The following GLIS3 variants were observed in gnomAD, a reference collection of about 807,000 sequenced individuals.
GLIS3 encodes the protein GLIS family zinc finger 3.
Under a neutral mutation model 78.6 loss-of-function variants are expected in GLIS3, and 53 were observed. That is an observed-to-expected ratio of 0.67 (90% CI 0.54 to 0.85). GLIS3 has a LOEUF of 0.85. Ranked by LOEUF, GLIS3 falls within the 40% of genes least tolerant of loss-of-function variation. The pLI is 0.00. For synonymous variants in GLIS3, 684 were observed against 509.9 expected (o/e 1.34, Z -4.60); for missense variants, 1,703 against 1,231.1 (o/e 1.38, Z -5.74).
chr9:3,829,325 G>A lies in GLIS3; in HGVS notation c.2641C>T (p.His881Tyr). The change falls in exon 10 of 11, where the codon CAC (histidine) becomes TAC (tyrosine). Residue 881 changes from histidine to tyrosine, a missense_variant. His to Tyr is a moderately conservative substitution (Grantham distance 83). Transcript: ENST00000381971. ...ACCAACACACCTGTAATGCCCGAGT[G>A]AGTCGAGAAGGCTCTGTGGAAAACA... Reference protein sequence around the residue: ...FDVFHRAFSTHSGITVYDLPS... With the variant: ...FDVFHRAFSTYSGITVYDLPS... 2 of 1,613,988 alleles carry A rather than the reference G, an allele frequency of 1.2e-6. No individual in the cohort carries two copies. The highest frequency in any genetic ancestry group is 8.5e-7 in the Non-Finnish European group (1 of 1,179,898).
At chr9:4,026,167 C>G (rs913782438) in intron 4 of GLIS3, among the ~76,000 whole-genome samples, 1 of 152,194 alleles carries the variant, frequency 6.6e-6, no homozygotes, top group Non-Finnish European at 1.5e-5. Context: ...GGTATTCAAT[C>G]AAAGAGGCCC....
At chr9:4,310,200 T>A (rs1240426266) in intron 3 of GLIS3, among the ~76,000 whole-genome samples, 1 of 152,232 alleles carries the variant, frequency 6.6e-6, no homozygotes, top group Non-Finnish European at 1.5e-5. Context: ...TAATTTCACA[T>A]CTAGCTATGG....
chr9:3,941,133 G>A (rs550140463), intron 4 of GLIS3, among the ~76,000 whole-genome samples: 2 of 152,274 alleles, frequency 1.3e-5, no homozygotes, highest in East Asian at 1.9e-4. Flanking sequence ...GTTAGGGAAT[G>A]CCATTCATAC....
At chr9:4,267,601 G>C (rs562977606) in intron 2 of GLIS3, among the ~76,000 whole-genome samples, 24 of 152,302 alleles carry the variant, frequency 1.6e-4, no homozygotes, top group African/African-American at 5.5e-4. Context: ...GTCTATGTCT[G>C]GCACATCTTA....
At chr9:4,250,752 G>A (rs1406454977) in intron 2 of GLIS3, among the ~76,000 whole-genome samples, 2 of 152,134 alleles carry the variant, frequency 1.3e-5, no homozygotes. Flanking sequence ...GGCATTTGGT[G>A]CTATAAATTT....
chr9:4,106,866 C>A (rs2064986), intron 4 of GLIS3, among the ~76,000 whole-genome samples: 1 of 152,006 alleles, frequency 6.6e-6, no homozygotes, highest in Non-Finnish European at 1.5e-5. Flanking sequence ...CACACACTCA[C>A]GGCTTAGAAA....
intron 4 of GLIS3, among the ~76,000 whole-genome samples, chr9:3,949,827 C>T (rs1011751701): frequency 3.3e-5 from 5 of 152,104 alleles, no homozygotes; most frequent in African/African-American, 1.2e-4. Flanking sequence ...AAAAATAGTT[C>T]ATTTTGCTAT....
chr9:4,123,168 T>C (rs1239842072), intron 3 of GLIS3, among the ~76,000 whole-genome samples: 2 of 152,180 alleles, frequency 1.3e-5, no homozygotes, highest in East Asian at 1.9e-4. Context: ...ATGAAAACTT[T>C]AATATTGTCA....
At chr9:4,070,602 G>A (rs1406186338) in intron 4 of GLIS3, among the ~76,000 whole-genome samples, 1 of 152,096 alleles carries the variant, frequency 6.6e-6, no homozygotes, top group East Asian at 1.9e-4. Context: ...TGTGGGTAGT[G>A]AGTATGTATG....
intron 8 of GLIS3, among the ~76,000 whole-genome samples, chr9:3,857,032 G>A (rs1413495729): frequency 6.6e-6 from 1 of 152,200 alleles, no homozygotes; most frequent in African/African-American, 2.4e-5. Flanking sequence ...TAACATTGAA[G>A]GCAAGATGTA....
chr9:4,448,643 C>T, the GLIS3 span, among the ~76,000 whole-genome samples: 1 of 152,210 alleles, frequency 6.6e-6, no homozygotes, highest in African/African-American at 2.4e-5. Flanking sequence ...ATAACTTGTT[C>T]TGGACAACAA....
At chr9:4,317,971 T>C (rs1274254268) in intron 2 of GLIS3, among the ~76,000 whole-genome samples, 1 of 152,214 alleles carries the variant, frequency 6.6e-6, no homozygotes, top group African/African-American at 2.4e-5. Context: ...CACATCTACA[T>C]GGTAAAATCT....
chr9:3,956,674 A>C (rs1817132198), intron 4 of GLIS3, among the ~76,000 whole-genome samples: 1 of 152,094 alleles, frequency 6.6e-6, no homozygotes, highest in Admixed American at 6.6e-5. Context: ...GATCTCACAG[A>C]CCAGTTGTAT....
At chr9:3,865,234 C>G (rs1026580432) in intron 8 of GLIS3, among the ~76,000 whole-genome samples, 4 of 152,208 alleles carry the variant, frequency 2.6e-5, no homozygotes, top group African/African-American at 9.7e-5. Context: ...TGGGTTTCTG[C>G]TCACCTCCAT....
chr9:3,889,907 A>C lies in GLIS3; in HGVS notation c.2128+8784T>G, dbSNP rs544392105. Among the ~76,000 whole-genome samples, 14 of 152,358 alleles carry C rather than the reference A, an allele frequency of 9.2e-5. 1 individual carries two copies. The highest frequency in any genetic ancestry group is 3.4e-4 in the African/African-American group (14 of 41,592). ...TGATTCTCAGTGTAATAACTGTTGC[A>C]TGCTAACTACTAAGAACCATCATGA... On this transcript the variant is annotated intron_variant, in intron 7 of 10. Transcript: ENST00000381971.
intron 2 of GLIS3, among the ~76,000 whole-genome samples, chr9:4,251,321 TTACTC>T (rs899200107): frequency 6.6e-6 from 1 of 152,230 alleles, no homozygotes; most frequent in African/African-American, 2.4e-5. Context: ...TTAGGATAGT[TTACTC>T]TACTTGTTGT....
chr9:4,219,557 C>T (rs148533107), intron 2 of GLIS3, among the ~76,000 whole-genome samples: 112 of 152,270 alleles, frequency 7.4e-4, no homozygotes, highest in Non-Finnish European at 1.2e-3. Flanking sequence ...CAATCTCAAA[C>T]GATCATTCAA....
chr9:4,053,723 A>AAAAAAAAAAATT (rs33993580), intron 4 of GLIS3, among the ~76,000 whole-genome samples: 1 of 151,008 alleles, frequency 6.6e-6, no homozygotes, highest in Admixed American at 6.6e-5. Context: ...AAAAAAAAAA[A>AAAAAAAAAAATT]TTCTGGATAG....
the GLIS3 span, among the ~76,000 whole-genome samples, chr9:4,441,504 T>C: frequency 1.3e-5 from 2 of 152,242 alleles, no homozygotes; most frequent in African/African-American, 4.8e-5. Flanking sequence ...CACTTGAAGA[T>C]GGTAAATAAT....
Sources: gnomAD v4.1 joint callset for allele counts (sites outside exome capture counted in the v4.1 genomes callset) on GRCh38, gnomAD v4.1.1 for gene constraint, MANE v1.5 for transcripts, NCBI Gene and HGNC (gene_info 2026-07-23, HGNC 2026-07-21) for gene names.